Variants in KIAA1549L observed in about 807,000 individuals in gnomAD.
KIAA1549L encodes UPF0606 protein KIAA1549L.
In KIAA1549L, 88 loss-of-function variants were observed where a neutral mutation model predicts 160.7. That is an observed-to-expected ratio of 0.55 (90% CI 0.46 to 0.65). The LOEUF is 0.65. KIAA1549L is among the 30% of genes least tolerant of loss of function. The pLI is 0.00. For missense variants in KIAA1549L, 2,258 were observed against 2,437.5 expected (o/e 0.93, Z 1.55); for synonymous variants, 950 against 976.7 (o/e 0.97, Z 0.51).
intron 1 of KIAA1549L, chr11:33,403,282 G>GACACAC (rs1274071468): frequency 5.6e-5 from 3 of 53,292 alleles, no homozygotes; most frequent in Non-Finnish European, 1.0e-4. Context: ...CACAGACACA[G>GACACAC]ACACACACAC....
At chr11:33,615,082 C>T (rs1433503289) in intron 15 of KIAA1549L, among the ~76,000 whole-genome samples, 1 of 152,166 alleles carries the variant, frequency 6.6e-6, no homozygotes, top group African/African-American at 2.4e-5. Context: ...GATTTTCCTT[C>T]CTTCCCTCTG....
intron 1 of KIAA1549L, among the ~76,000 whole-genome samples, chr11:33,485,728 A>C (rs1279668439): frequency 6.6e-6 from 1 of 152,104 alleles, no homozygotes; most frequent in Non-Finnish European, 1.5e-5. Context: ...AGATCTTCTG[A>C]ATGTATTCTT....
At chr11:33,497,430 GT>G (rs1554983298) in intron 1 of KIAA1549L, among the ~76,000 whole-genome samples, 1 of 152,034 alleles carries the variant, frequency 6.6e-6, no homozygotes, top group African/African-American at 2.4e-5. Context: ...AATAAAACTC[GT>G]TTGTCTTGGG....
rs948480367 is a variant in KIAA1549L at position 33,603,283 on chromosome 11, G to A, written c.4880-3358G>A. Among the ~76,000 whole-genome samples the A allele has an allele frequency of 1.3e-4, 16 of 121,736 alleles. 1 individual carries two copies. Among genetic ancestry groups the A allele is most frequent in the Non-Finnish European group, 1.7e-4 (9 of 51,760 alleles). The allele number at this position is 121,736 out of a possible 152,430, so 79.9% of individuals were successfully genotyped here. On this transcript the variant is annotated intron_variant, in intron 13 of 20. Coordinates refer to ENST00000658780, the MANE Select transcript of KIAA1549L (RefSeq NM_012194.3). ...CTTCTAGTCTAGGGAAAGGGGTGAGGGTACACTGTAAATCAGTATAACATA... is the reference window on the plus strand; with the variant it reads ...CTTCTAGTCTAGGGAAAGGGGTGAGAGTACACTGTAAATCAGTATAACATA...
chr11:33,645,605 G>A (rs1851695957), intron 16 of KIAA1549L, 81 bp from the exon 17 acceptor site: 2 of 1,032,964 alleles, frequency 1.9e-6, no homozygotes, highest in South Asian at 1.4e-5. Flanking sequence ...ACCTGTCCAA[G>A]TGAATGTTTT....
chr11:33,401,472 C>T (rs1850499721), intron 1 of KIAA1549L, among the ~76,000 whole-genome samples: 1 of 151,726 alleles, frequency 6.6e-6, no homozygotes, highest in Admixed American at 6.6e-5. Context: ...GCCTTTTAAC[C>T]TCCCTCCAGA....
intron 17 of KIAA1549L, among the ~76,000 whole-genome samples, chr11:33,651,329 C>T (rs1470947892): frequency 2.0e-5 from 3 of 151,760 alleles, no homozygotes; most frequent in East Asian, 1.9e-4. Context: ...CCCAGCTACT[C>T]GGGAGGCTGA....
chr11:33,566,042 A>G (rs577302631), intron 8 of KIAA1549L, among the ~76,000 whole-genome samples: 1 of 152,286 alleles, frequency 6.6e-6, no homozygotes, highest in East Asian at 1.9e-4. Flanking sequence ...TTATTGTAAA[A>G]TATACCTAAC....
rs11820208 is a variant in KIAA1549L, at chr11:33,472,682, C to T, written c.239-69120C>T. On this transcript the variant is annotated intron_variant, in intron 1 of 20. Coordinates refer to ENST00000658780, the MANE Select transcript of KIAA1549L (RefSeq NM_012194.3). ...GACTGGAGAAGTCAGTAGGTATAGC[C>T]TGAAATAGTTGCTGACTGCATGTCA... Among the ~76,000 whole-genome samples, 278 of 152,274 alleles carry T rather than the reference C, an allele frequency of 1.8e-3. 2 individuals are homozygous for T. Among genetic ancestry groups the T allele is most frequent in the African/African-American group, 5.8e-3 (243 of 41,562 alleles).
intron 16 of KIAA1549L, among the ~76,000 whole-genome samples, chr11:33,636,406 T>C (rs995068474): frequency 1.3e-5 from 2 of 151,834 alleles, no homozygotes; most frequent in African/African-American, 4.8e-5. Flanking sequence ...TGGATTGCAT[T>C]TGCGTAATCA....
chr11:33,416,105 TA>T (rs1565127337), intron 1 of KIAA1549L, among the ~76,000 whole-genome samples: 2 of 152,010 alleles, frequency 1.3e-5, no homozygotes, highest in Non-Finnish European at 2.9e-5. Context: ...CCAGACACCA[TA>T]GGGGGAGGAC....
chr11:33,518,138 C>CAAAAAAAAAAAAAAAAA (rs560876643), intron 1 of KIAA1549L, among the ~76,000 whole-genome samples: 28 of 59,410 alleles, frequency 4.7e-4, no homozygotes, highest in African/African-American at 9.2e-4. Flanking sequence ...GACTCTGTCT[C>CAAAAAAAAAAAAAAAAA]AAAAAAAAAA....
intron 7 of KIAA1549L, among the ~76,000 whole-genome samples, chr11:33,561,294 G>A (rs564633649): frequency 2.6e-5 from 4 of 152,274 alleles, no homozygotes; most frequent in African/African-American, 9.6e-5. Flanking sequence ...ATGAAAAAAC[G>A]GAAAGGGCAG....
At chr11:33,431,210 CAA>C (rs1851233469) in intron 1 of KIAA1549L, among the ~76,000 whole-genome samples, 1 of 152,128 alleles carries the variant, frequency 6.6e-6, no homozygotes, top group Non-Finnish European at 1.5e-5. Flanking sequence ...AGTGTGGACC[CAA>C]AGAGTGAGCA....
chr11:33,427,394 G>C (rs925112994), intron 1 of KIAA1549L, among the ~76,000 whole-genome samples: 16 of 152,118 alleles, frequency 1.1e-4, no homozygotes, highest in Non-Finnish European at 4.4e-5. Context: ...CCTCCTGCCA[G>C]CAGTTCCCCC....
intron 6 of KIAA1549L, among the ~76,000 whole-genome samples, chr11:33,555,155 T>C (rs1197329047): frequency 1.3e-5 from 2 of 151,784 alleles, no homozygotes; most frequent in Non-Finnish European, 2.9e-5. Context: ...TACAAAAAAT[T>C]AGTATATTAA....
Position 33,668,233 on chromosome 11 carries a change from C to A in KIAA1549L, c.*79C>A. ...GGTTTCCCATGCCTACGTGTTAGGA[C>A]TTGAGACATAGCAATGGGTGAGTCT... is the stretch of plus-strand genomic sequence containing the variant. On this transcript the variant is annotated 3_prime_UTR_variant, in exon 21 of 21. Coordinates refer to ENST00000658780, the MANE Select transcript of KIAA1549L (RefSeq NM_012194.3). The A allele has an allele frequency of 7.4e-7, 1 of 1,349,586 alleles. No homozygotes were observed. Among genetic ancestry groups the A allele is most frequent in the Non-Finnish European group, 1.0e-6 (1 of 978,272 alleles). 83.6% of individuals were successfully genotyped at this position (1,349,586 alleles called of 1,614,324 possible). A position where few individuals can be genotyped will look rare whatever the true frequency, so the allele number is the denominator to read the frequency against.
At chr11:33,515,565 G>T (rs1348952214) in intron 1 of KIAA1549L, among the ~76,000 whole-genome samples, 1 of 152,232 alleles carries the variant, frequency 6.6e-6, no homozygotes, top group Non-Finnish European at 1.5e-5. Context: ...TTCCCCACGT[G>T]GGTGGTGAGC....
chr11:33,420,919 C>T (rs531611551), intron 1 of KIAA1549L, among the ~76,000 whole-genome samples: 6 of 152,248 alleles, frequency 3.9e-5, no homozygotes, highest in South Asian at 4.1e-4. Context: ...TGACTATTCT[C>T]GATGGATGGA....
Sources: gnomAD v4.1 joint callset for allele counts (sites outside exome capture counted in the v4.1 genomes callset) on GRCh38, gnomAD v4.1.1 for gene constraint, MANE v1.5 for transcripts, NCBI Gene and HGNC (gene_info 2026-07-23, HGNC 2026-07-21) for gene names.